TMCO5A: variants seen among roughly 807,000 people sequenced by gnomAD.
TMCO5A encodes the protein transmembrane and coiled-coil domains 5A.
In TMCO5A, 34 loss-of-function variants were observed where a neutral mutation model predicts 42.3. The observed-to-expected ratio is 0.80, with a 90% CI of 0.61 to 1.07. The LOEUF (loss-of-function observed/expected upper bound fraction) is 1.07. Ranked by LOEUF, TMCO5A falls within the 50% of genes least tolerant of loss-of-function variation. TMCO5A has a pLI of 0.00. For synonymous variants in TMCO5A, 131 were observed against 115.6 expected, an observed-to-expected ratio of 1.13 and a Z score of -0.86; for missense variants, 357 against 327.9, an observed-to-expected ratio of 1.09 and a Z score of -0.69.
chr15:37,947,171 T>G (rs1370040658), intron 10 of TMCO5A, among the ~76,000 whole-genome samples: 1 of 152,204 alleles, frequency 6.6e-6, no homozygotes, highest in African/African-American at 2.4e-5. Flanking sequence ...TTTGTGTATG[T>G]TGAACCAAAC....
chr15:38,016,922 A>T, the TMCO5A span, among the ~76,000 whole-genome samples: 1 of 151,612 alleles, frequency 6.6e-6, no homozygotes, highest in East Asian at 1.9e-4. Context: ...TTTTTTTTCC[A>T]ACTATTTAAA....
chr15:38,000,314 T>C, the TMCO5A span, among the ~76,000 whole-genome samples: 2 of 152,162 alleles, frequency 1.3e-5, no homozygotes, highest in Admixed American at 1.3e-4. Context: ...ATAAAGTTGC[T>C]CATGGTAGCC....
downstream of TMCO5A, among the ~76,000 whole-genome samples, chr15:37,955,255 T>TAAAAA (rs55989832): frequency 9.4e-6 from 1 of 106,246 alleles, no homozygotes; most frequent in African/African-American, 3.6e-5. Context: ...ATTTAAAGAG[T>TAAAAA]AAAAAAAAAA....
chr15:38,004,908 G>T, the TMCO5A span: 1 of 152,052 alleles, frequency 6.6e-6, no homozygotes, highest in Non-Finnish European at 1.5e-5. Flanking sequence ...TTGTTCCTCT[G>T]GGGGGGTGTA....
At chr15:38,008,262 G>C in the TMCO5A span, among the ~76,000 whole-genome samples, 84,571 of 151,774 alleles carry the variant, frequency 0.56, 24,403 homozygotes, top group African/African-American at 0.7. Context: ...GAAGAAATTC[G>C]TCAGGCAAAG....
chr15:37,955,300 A>T (rs1411757974), downstream of TMCO5A, among the ~76,000 whole-genome samples: 1 of 151,866 alleles, frequency 6.6e-6, no homozygotes, highest in African/African-American at 2.4e-5. Context: ...ACCATGAAGA[A>T]ATCCAAACCT....
chr15:37,952,030 C>A (rs564665092), downstream of TMCO5A, among the ~76,000 whole-genome samples: 1 of 152,300 alleles, frequency 6.6e-6, no homozygotes, highest in African/African-American at 2.4e-5. Context: ...ACCAAACTCA[C>A]CTGACACCTG....
the TMCO5A span, among the ~76,000 whole-genome samples, chr15:37,992,508 A>G: frequency 1.3e-5 from 2 of 152,202 alleles, no homozygotes; most frequent in African/African-American, 4.8e-5. Context: ...ATATACCCAA[A>G]GGAATATAAA....
chr15:37,970,453 G>C (rs1465973328), downstream of TMCO5A, among the ~76,000 whole-genome samples: 1 of 152,142 alleles, frequency 6.6e-6, no homozygotes, highest in Non-Finnish European at 1.5e-5. Context: ...ATGAGATTTG[G>C]GTGGGGACAC....
At chr15:38,020,882 T>C in the TMCO5A span, among the ~76,000 whole-genome samples, 3 of 152,156 alleles carry the variant, frequency 2.0e-5, no homozygotes, top group South Asian at 6.2e-4. Flanking sequence ...GTAAACTTTG[T>C]TGGTTTAATT....
chr15:38,017,772 C>G, the TMCO5A span, among the ~76,000 whole-genome samples: 1 of 152,136 alleles, frequency 6.6e-6, no homozygotes, highest in Non-Finnish European at 1.5e-5. Context: ...TGATTTGTCT[C>G]TGTGTCCCCA....
intron 9 of TMCO5A, 53 bp from the exon 10 acceptor site, chr15:37,943,288 T>C (rs1889818089): frequency 2.6e-6 from 4 of 1,555,294 alleles, no homozygotes; most frequent in African/African-American, 2.7e-5. Flanking sequence ...TAGTGTAGTA[T>C]GAATATTTCA....
In TMCO5A at chr15:37,951,227, C is replaced by A. The variant is rs760296947; in HGVS notation, c.860C>A (p.Pro287His). ...ACACTTGAGACAGAGGACATGTTACCCCACTGATTCCCTAAGAAATATCCT... is the reference window on the plus strand; with the variant it reads ...ACACTTGAGACAGAGGACATGTTACACCACTGATTCCCTAAGAAATATCCT... ...SLTLETEDML[P>H]H The change falls in exon 12 of 12, where the codon CCC becomes CAC. Residue 287 changes from proline (P) to histidine (H), a missense_variant. Transcript: ENST00000319669. 1.2e-6 allele frequency: 2 copies of A among 1,613,400 alleles called. No individual in the cohort carries two copies. Among genetic ancestry groups the A allele is most frequent in the South Asian group, 2.2e-5 (2 of 90,942 alleles).
the TMCO5A span, among the ~76,000 whole-genome samples, chr15:38,010,408 AG>A: frequency 1.9e-5 from 2 of 106,168 alleles, no homozygotes; most frequent in African/African-American, 7.7e-5. Context: ...AAAAAAAAAG[AG>A]GGAGGCAGAG....
At chr15:37,969,493 C>A (rs1468633204), downstream of TMCO5A, among the ~76,000 whole-genome samples, 1 of 152,232 alleles carries the variant, frequency 6.6e-6, no homozygotes, top group African/African-American at 2.4e-5. Context: ...ATGAGAATAC[C>A]CAACACTATG....
chr15:37,943,047 A>G (rs1400456615), intron 9 of TMCO5A: 1 of 273,780 alleles, frequency 3.7e-6, no homozygotes, highest in Non-Finnish European at 7.0e-6. Context: ...CCTGCTGAAC[A>G]TTGGTTTATG....
At chr15:38,001,937 G>T in the TMCO5A span, among the ~76,000 whole-genome samples, 12 of 151,990 alleles carry the variant, frequency 7.9e-5, no homozygotes, top group Non-Finnish European at 1.3e-4. Context: ...TTGTACTCAA[G>T]ATATGAGTAG....
At chr15:38,017,210 A>G in the TMCO5A span, among the ~76,000 whole-genome samples, 1 of 152,202 alleles carries the variant, frequency 6.6e-6, no homozygotes, top group South Asian at 2.1e-4. Context: ...ATATTATAAA[A>G]GCATATAGAA....
the TMCO5A span, among the ~76,000 whole-genome samples, chr15:38,027,719 G>A: frequency 2.0e-5 from 3 of 152,084 alleles, no homozygotes; most frequent in Non-Finnish European, 4.4e-5. Flanking sequence ...CATGGTCAAG[G>A]GCAGTAGCAG....
Sources: allele counts gnomAD v4.1 joint callset (sites outside exome capture counted in the v4.1 genomes callset), GRCh38; gene constraint gnomAD v4.1.1; transcripts MANE v1.5; gene names NCBI Gene and HGNC (gene_info 2026-07-23, HGNC 2026-07-21).